CACNA1C: variants seen among roughly 807,000 people sequenced by gnomAD.
The protein encoded by CACNA1C is voltage-dependent L-type calcium channel subunit alpha-1C.
CACNA1C carries 30 observed loss-of-function variants against 229.0 expected under a neutral mutation model. The observed-to-expected ratio is 0.13, with a 90% CI of 0.10 to 0.18. The LOEUF (loss-of-function observed/expected upper bound fraction) is 0.18, where lower values mean the gene tolerates loss of function less well. Among genes scored for constraint, CACNA1C ranks in the 10% least tolerant of loss-of-function variants. The probability of loss-of-function intolerance (pLI) is 1.00; values close to 1 mark genes in which losing one functional copy is unlikely to be tolerated. For synonymous variants in CACNA1C, 1,114 were observed against 1,132.5 expected (o/e 0.98, Z 0.33); for missense variants, 1,658 against 2,845.0 (o/e 0.58, Z 9.49).
chr12:2,395,101 C>T (rs2098547662), intron 3 of CACNA1C, among the ~76,000 whole-genome samples: 1 of 152,152 alleles, frequency 6.6e-6, no homozygotes, highest in African/African-American at 2.4e-5. Context: ...CTCACTGCAG[C>T]CTCGACCTCC....
At chr12:2,269,858 G>A (rs2154416803) in intron 3 of CACNA1C, 1 of 152,410 alleles carries the variant, frequency 6.6e-6, no homozygotes, top group Non-Finnish European at 1.5e-5. Context: ...GGGGCCTGGT[G>A]GGAGCTGTAG....
In CACNA1C at chr12:2,053,510, T is replaced by C; in HGVS notation, c.-53T>C. On this transcript the variant is annotated 5_prime_UTR_variant, in exon 1 of 47. Transcript: ENST00000399655. The surrounding 1 kb of genome is among the most constrained non-coding windows in gnomAD (Gnocchi z 5.8). ...AATCCAGACCCGCCGGGGGGTGTTT[T>C]CACATTTCTTCCTCTTCGTGGCTGC... is the stretch of plus-strand genomic sequence containing the variant. 1.9e-6 allele frequency: 3 copies of C among 1,549,328 alleles called. No homozygotes were observed. Among genetic ancestry groups the C allele is most frequent in the East Asian group, 4.9e-5 (2 of 40,828 alleles).
chr12:2,349,219 A>C (rs1354307660), intron 3 of CACNA1C, among the ~76,000 whole-genome samples: 1 of 152,186 alleles, frequency 6.6e-6, no homozygotes, highest in African/African-American at 2.4e-5. Flanking sequence ...GGTAGAATAC[A>C]ATACAAACAC....
chr12:2,464,051 T>G (rs2099533899), intron 5 of CACNA1C, among the ~76,000 whole-genome samples: 1 of 152,138 alleles, frequency 6.6e-6, no homozygotes, highest in South Asian at 2.1e-4. Context: ...CCATTTCATC[T>G]CATATGCCTT....
chr12:2,031,880 CA>C (rs2048283713), intron 1 of CACNA1C, among the ~76,000 whole-genome samples: 1 of 152,116 alleles, frequency 6.6e-6, no homozygotes, highest in Non-Finnish European at 1.5e-5. Context: ...AGAGAGAGGG[CA>C]GCTGTGGGCT....
intron 5 of CACNA1C, among the ~76,000 whole-genome samples, chr12:2,480,662 A>G (rs1041613509): frequency 3.3e-5 from 5 of 152,210 alleles, no homozygotes; most frequent in South Asian, 2.1e-4. Context: ...GAGTCCACCT[A>G]TGAGAAACTT....
intron 3 of CACNA1C, among the ~76,000 whole-genome samples, chr12:2,164,534 T>G (rs1156345677): frequency 6.6e-6 from 1 of 152,246 alleles, no homozygotes; most frequent in Non-Finnish European, 1.5e-5. Context: ...CCTGTCTCTC[T>G]CTGCTCCCCA....
At chr12:2,035,797 A>C (rs1306378076) in intron 1 of CACNA1C, among the ~76,000 whole-genome samples, 4 of 152,252 alleles carry the variant, frequency 2.6e-5, no homozygotes, top group African/African-American at 4.8e-5. Context: ...ATTTTAAAAT[A>C]TCTCTGGGGA....
intron 1 of CACNA1C, among the ~76,000 whole-genome samples, chr12:2,085,941 C>T (rs1362103351): frequency 1.3e-5 from 2 of 152,156 alleles, no homozygotes; most frequent in African/African-American, 4.8e-5. Context: ...ATATGCCGTT[C>T]CCTGTACCTG....
At chr12:2,641,124 G>T (rs1184587304) in intron 30 of CACNA1C, among the ~76,000 whole-genome samples, 1 of 152,264 alleles carries the variant, frequency 6.6e-6, no homozygotes, top group Non-Finnish European at 1.5e-5. Flanking sequence ...AGGGTAGAGA[G>T]ATGTGGTCAG....
rs1213531608 is a variant in CACNA1C at position 2,215,872 on chromosome 12, G to A, written c.477+95442G>A. On this transcript the variant is annotated intron_variant, in intron 3 of 46. Coordinates refer to ENST00000399655, the MANE Select transcript of CACNA1C (RefSeq NM_000719.7). The surrounding 1 kb of genome is among the most constrained non-coding windows in gnomAD (Gnocchi z 5.0). ...GAATCTGTGTCCTAGAACACGCCCT[G>A]CTGCCACCAGTGTGACATCAGCCGT... is the stretch of plus-strand genomic sequence containing the variant. 1.3e-5 allele frequency among the ~76,000 whole-genome samples: 2 copies of A among 152,212 alleles called. No individual in the cohort carries two copies. Among genetic ancestry groups the A allele is most frequent in the African/African-American group, 4.8e-5 (2 of 41,446 alleles).
intron 5 of CACNA1C, among the ~76,000 whole-genome samples, chr12:2,474,488 C>T (rs1468621292): frequency 6.6e-6 from 1 of 152,204 alleles, no homozygotes; most frequent in African/African-American, 2.4e-5. Context: ...GGCGCAGTAG[C>T]TCACGCCTAT....
intron 3 of CACNA1C, among the ~76,000 whole-genome samples, chr12:2,404,809 T>G (rs571999685): frequency 1.3e-5 from 2 of 152,218 alleles, no homozygotes; most frequent in East Asian, 3.9e-4. Flanking sequence ...GGATTTTTTT[T>G]GTGGCTTTTC....
intron 3 of CACNA1C, among the ~76,000 whole-genome samples, chr12:2,448,222 A>C (rs1037473145): frequency 2.0e-5 from 3 of 152,204 alleles, no homozygotes; most frequent in Admixed American, 6.5e-5. Context: ...TCAAGGTGGC[A>C]GGGGAGGAAG....
At chr12:2,637,191 G>GT (rs1211954098) in intron 30 of CACNA1C, among the ~76,000 whole-genome samples, 1 of 152,188 alleles carries the variant, frequency 6.6e-6, no homozygotes, top group Non-Finnish European at 1.5e-5. Context: ...CAGAGACTCT[G>GT]TTTTTTCATC....
chr12:2,438,663 C>T (rs1024977266), intron 3 of CACNA1C, among the ~76,000 whole-genome samples: 13 of 151,960 alleles, frequency 8.6e-5, no homozygotes, highest in African/African-American at 2.7e-4. Flanking sequence ...TGTGACAGAC[C>T]TTGAACCATG....
At chr12:2,369,325 G>A (rs2097792109) in intron 3 of CACNA1C, among the ~76,000 whole-genome samples, 1 of 152,058 alleles carries the variant, frequency 6.6e-6, no homozygotes, top group East Asian at 1.9e-4. Flanking sequence ...GGTAAAGGAA[G>A]CAAAGAAGTT....
At position 2,396,019 on chromosome 12, in the gene CACNA1C, C is replaced by G. The variant is rs1030577268; in HGVS notation, c.478-52957C>G. Among the ~76,000 whole-genome samples, 3 of 152,262 alleles carry G rather than the reference C, an allele frequency of 2.0e-5. 1 individual carries two copies. Among genetic ancestry groups the G allele is most frequent in the South Asian group, 4.1e-4 (2 of 4,822 alleles). ...GTCTACCTCACTGGAGCCTGGTGCC[C>G]GTCCCCATGGTCTGCACTCCTGGTG... On this transcript the variant is annotated intron_variant, in intron 3 of 46. Coordinates refer to ENST00000399655, the MANE Select transcript of CACNA1C (RefSeq NM_000719.7).
chr12:2,037,216 A>G (rs1413719927), intron 1 of CACNA1C, among the ~76,000 whole-genome samples: 1 of 152,220 alleles, frequency 6.6e-6, no homozygotes, highest in Non-Finnish European at 1.5e-5. Context: ...CATGAGACGG[A>G]GTAATCTGCT....
Sources: gnomAD v4.1 joint callset for allele counts (sites outside exome capture counted in the v4.1 genomes callset) on GRCh38, gnomAD v4.1.1 for gene constraint, Gnocchi (gnomAD v3.1) non-coding constraint, MANE v1.5 for transcripts, NCBI Gene and HGNC (gene_info 2026-07-23, HGNC 2026-07-21) for gene names.